The following CSNK2A2IP variants were observed in gnomAD, a reference collection of about 807,000 sequenced individuals.
The protein encoded by CSNK2A2IP is casein kinase II subunit alpha'-interacting protein.
At chr3:88,415,370 A>G in the CSNK2A2IP span, among the ~76,000 whole-genome samples, 1 of 152,102 alleles carries the variant, frequency 6.6e-6, no homozygotes, top group East Asian at 1.9e-4. Context: ...CTTCCTATTC[A>G]GAAGAAGCAA....
chr3:88,443,405 T>C, the CSNK2A2IP span, among the ~76,000 whole-genome samples: 5 of 151,524 alleles, frequency 3.3e-5, no homozygotes, highest in East Asian at 7.8e-4. Flanking sequence ...GAAAAAGGAG[T>C]GCAAATTGAG....
At chr3:88,404,035 G>T in the CSNK2A2IP span, among the ~76,000 whole-genome samples, 1 of 151,936 alleles carries the variant, frequency 6.6e-6, no homozygotes, top group Non-Finnish European at 1.5e-5. Context: ...TTCTTGGTTT[G>T]CATATAACTT....
the CSNK2A2IP span, among the ~76,000 whole-genome samples, chr3:88,368,275 C>CAGGTG: frequency 6.6e-6 from 1 of 151,884 alleles, no homozygotes; most frequent in African/African-American, 2.4e-5. Flanking sequence ...TGCCTTCAAG[C>CAGGTG]AGGTGACATT....
the CSNK2A2IP span, among the ~76,000 whole-genome samples, chr3:88,429,411 T>C: frequency 6.6e-6 from 1 of 152,200 alleles, no homozygotes; most frequent in Admixed American, 6.5e-5. Context: ...CTGGGAGAGT[T>C]TCCCTTTTCC....
At chr3:88,453,863 A>G in the CSNK2A2IP span, among the ~76,000 whole-genome samples, 1 of 152,074 alleles carries the variant, frequency 6.6e-6, no homozygotes, top group African/African-American at 2.4e-5. Flanking sequence ...TAGTAGATTG[A>G]TTACAGTTTT....
chr3:88,449,036 C>T, the CSNK2A2IP span, among the ~76,000 whole-genome samples: 2 of 151,958 alleles, frequency 1.3e-5, no homozygotes, highest in Non-Finnish European at 2.9e-5. Flanking sequence ...GGGGCTTGCC[C>T]TCTCTCTCCC....
At chr3:88,356,574 C>T in the CSNK2A2IP span, among the ~76,000 whole-genome samples, 1 of 152,022 alleles carries the variant, frequency 6.6e-6, no homozygotes, top group Admixed American at 6.6e-5. Flanking sequence ...GGGTACATAT[C>T]TCAATATACT....
At chr3:88,460,409 C>G in the CSNK2A2IP span, among the ~76,000 whole-genome samples, 1 of 152,072 alleles carries the variant, frequency 6.6e-6, no homozygotes, top group Admixed American at 6.5e-5. Flanking sequence ...TATATGATAG[C>G]AGGATTTAAA....
the CSNK2A2IP span, among the ~76,000 whole-genome samples, chr3:88,346,843 A>G: frequency 6.6e-6 from 1 of 151,598 alleles, no homozygotes; most frequent in African/African-American, 2.4e-5. Context: ...TTTTTAAGGA[A>G]TACATTTTGT....
At chr3:88,447,794 G>A in the CSNK2A2IP span, among the ~76,000 whole-genome samples, 2,078 of 152,056 alleles carry the variant, frequency 0.014, 40 homozygotes, top group African/African-American at 0.048. Context: ...TATCATCAGA[G>A]TACTTAAATT....
the CSNK2A2IP span, among the ~76,000 whole-genome samples, chr3:88,444,835 A>G: frequency 6.6e-6 from 1 of 152,202 alleles, no homozygotes; most frequent in African/African-American, 2.4e-5. Context: ...AGTGTAATCA[A>G]CAGTTCCCTT....
the CSNK2A2IP span, among the ~76,000 whole-genome samples, chr3:88,425,086 T>C: frequency 1.3e-5 from 2 of 152,066 alleles, no homozygotes; most frequent in Non-Finnish European, 1.5e-5. Context: ...CTCTAGTTTT[T>C]TCTAAAATTA....
the CSNK2A2IP span, among the ~76,000 whole-genome samples, chr3:88,352,360 T>C: frequency 6.6e-6 from 1 of 152,124 alleles, no homozygotes; most frequent in African/African-American, 2.4e-5. Context: ...TTGAAAAAAT[T>C]GATTTTAAAC....
the CSNK2A2IP span, among the ~76,000 whole-genome samples, chr3:88,365,724 C>T: frequency 3.9e-5 from 6 of 152,162 alleles, no homozygotes; most frequent in Non-Finnish European, 8.8e-5. Flanking sequence ...AACTCCAATA[C>T]CTTCTAGGTA....
At chr3:88,393,424 A>G in the CSNK2A2IP span, among the ~76,000 whole-genome samples, 1 of 152,222 alleles carries the variant, frequency 6.6e-6, no homozygotes, top group Non-Finnish European at 1.5e-5. Context: ...AGAGTAGTAG[A>G]TAATTTGTTG....
At chr3:88,357,843 C>G in the CSNK2A2IP span, among the ~76,000 whole-genome samples, 1 of 151,966 alleles carries the variant, frequency 6.6e-6, no homozygotes. Flanking sequence ...CAACTTCTAC[C>G]TCCAAGGATT....
At chr3:88,465,709 C>G in the CSNK2A2IP span, 2 of 1,231,674 alleles carry the variant, frequency 1.6e-6, no homozygotes, top group Non-Finnish European at 2.0e-6. Context: ...TCAAAGAGCC[C>G]TGAACTCTCA....
the CSNK2A2IP span, among the ~76,000 whole-genome samples, chr3:88,367,394 G>T: frequency 2.6e-5 from 4 of 152,052 alleles, no homozygotes; most frequent in East Asian, 1.9e-4. Flanking sequence ...ATTGGGGAAA[G>T]AAAGCAGTAA....
the CSNK2A2IP span, among the ~76,000 whole-genome samples, chr3:88,393,233 C>A: frequency 6.6e-6 from 1 of 152,170 alleles, no homozygotes; most frequent in East Asian, 1.9e-4. Flanking sequence ...TAAACTTACT[C>A]AGTCTTGAGA....
Sources: allele counts gnomAD v4.1 joint callset (sites outside exome capture counted in the v4.1 genomes callset), GRCh38; gene constraint gnomAD v4.1.1; transcripts MANE v1.5; gene names NCBI Gene and HGNC (gene_info 2026-07-23, HGNC 2026-07-21).